Variants in FN1 observed in about 807,000 individuals in gnomAD.
FN1 encodes fibronectin.
In FN1, 106 loss-of-function variants were observed where a neutral mutation model predicts 297.3. The observed-to-expected ratio is 0.36, with a 90% CI of 0.30 to 0.42. The LOEUF (loss-of-function observed/expected upper bound fraction) is 0.42, where lower values mean the gene tolerates loss of function less well. Ranked by LOEUF, FN1 falls within the 10% of genes least tolerant of loss-of-function variation. The pLI is 1.00. For missense variants in FN1, 2,690 were observed against 3,124.9 expected, an observed-to-expected ratio of 0.86 and a Z score of 3.32; for synonymous variants, 1,149 against 1,152.6, an observed-to-expected ratio of 1.00 and a Z score of 0.06.
At position 215,380,623 on chromosome 2, in the gene FN1, T is replaced by A. The variant is rs544652227; in HGVS notation, c.5434+188A>T. 3.8e-6 allele frequency: 3 copies of A among 789,598 alleles called. No individual in the cohort carries two copies. In the South Asian group the frequency reaches 5.1e-5, roughly 13 times the overall value. The allele number at this position is 789,598 out of a possible 1,614,324, so 48.9% of individuals were successfully genotyped here. A position where few individuals can be genotyped will look rare whatever the true frequency, so the allele number is the denominator to read the frequency against. On this transcript the variant is annotated intron_variant, in intron 33 of 45. Transcript: ENST00000354785. Reference sequence around the variant, plus strand: ...CAGGATACTCCAAAATTTCTTTTAATCAGACTTGTTTCCTTAAATATCACC... The same window carrying A: ...CAGGATACTCCAAAATTTCTTTTAAACAGACTTGTTTCCTTAAATATCACC...
In FN1 at chr2:215,375,237, C is replaced by A. The variant is rs759018096; in HGVS notation, c.6134G>T (p.Gly2045Val). ...PREVVPRPRP[G>V]VTEATITGLE... ...ACCAGTAATAGTAGCCTCTGTGACA[C>A]CAGGGCGGGGCCGAGGGACCACTTC... The change falls in exon 38 of 46, where the codon GGT becomes GTT. Residue 2045 changes from glycine to valine, a missense_variant. Gly to Val is a moderately radical substitution (Grantham distance 109). Around this residue, in one of 3 missense-constraint regions of FN1, gnomAD observed 1,743 missense variants for 1,945.2 expected, o/e 0.90. Coordinates refer to ENST00000354785, the MANE Select transcript of FN1 (RefSeq NM_212482.4). 1 of 1,613,978 alleles carries A rather than the reference C, an allele frequency of 6.2e-7. No homozygotes were observed. Among genetic ancestry groups the A allele is most frequent in the African/African-American group, 1.3e-5 (1 of 74,912 alleles).
chr2:215,364,859 C>T lies in FN1; in HGVS notation c.7251+20G>A, dbSNP rs772299462. 39 of 1,503,838 alleles carry T rather than the reference C, an allele frequency of 2.6e-5. No individual in the cohort carries two copies. Among genetic ancestry groups the T allele is most frequent in the Non-Finnish European group, 1.8e-6 (2 of 1,106,262 alleles). 93.2% of individuals were successfully genotyped at this position (1,503,838 alleles called of 1,614,324 possible). Reference sequence around the variant, plus strand: ...TTTATCTTATCTAACTTGTAGGGAGCCTGGCACATCCAGTCTTACCCGCTG... The same window carrying T: ...TTTATCTTATCTAACTTGTAGGGAGTCTGGCACATCCAGTCTTACCCGCTG... On this transcript the variant is annotated intron_variant, in intron 44 of 45. Coordinates refer to ENST00000354785, the MANE Select transcript of FN1 (RefSeq NM_212482.4).
At position 215,365,870 on chromosome 2, in the gene FN1, A is replaced by G. The variant is rs528736639; in HGVS notation, c.7019-240T>C. On this transcript the variant is annotated intron_variant, in intron 42 of 45. Transcript: ENST00000354785. ...GCCCAGACTGGAGTGAAGTGGTGCA[A>G]TCTCGGCTCACTGTAACCTCCATCT... 4.4e-4 allele frequency: 90 copies of G among 205,156 alleles called. 1 individual carries two copies. The highest frequency in any genetic ancestry group is 2.1e-3 in the African/African-American group (88 of 42,336). 12.7% of individuals were successfully genotyped at this position (205,156 alleles called of 1,614,324 possible). A position where few individuals can be genotyped will look rare whatever the true frequency, so the allele number is the denominator to read the frequency against.
chr2:215,411,665 CT>C (rs11367419), intron 13 of FN1, among the ~76,000 whole-genome samples: 60,292 of 119,798 alleles, frequency 0.5, 13,813 homozygotes, highest in East Asian at 0.88. Flanking sequence ...ATTCAATGTA[CT>C]TTTTTTTTTT....
In FN1 at chr2:215,434,684, G is replaced by A. The variant is rs1333181119; in HGVS notation, c.277+12C>T. Reference sequence around the variant, plus strand: ...TTAAAAGATACTAACTATGGGGCTTGTTGTCACTTACCTTCAGGTTTACTC... The same window carrying A: ...TTAAAAGATACTAACTATGGGGCTTATTGTCACTTACCTTCAGGTTTACTC... On this transcript the variant is annotated intron_variant, in intron 2 of 45. Transcript: ENST00000354785. The A allele has an allele frequency of 6.2e-7, 1 of 1,614,150 alleles. No homozygotes were observed. Among genetic ancestry groups the A allele is most frequent in the African/African-American group, 1.3e-5 (1 of 75,056 alleles).
At chr2:215,422,650 A>G (rs2064614216) in intron 9 of FN1, among the ~76,000 whole-genome samples, 1 of 152,168 alleles carries the variant, frequency 6.6e-6, no homozygotes, top group African/African-American at 2.4e-5. Flanking sequence ...TTTTCTTCTA[A>G]ACTCAGCATC....
Position 215,433,461 on chromosome 2 carries a change from G to A in FN1, c.278C>T (p.Ala93Val). The change falls in exon 3 of 46, where the codon GCT becomes GTT. Residue 93 changes from alanine (A) to valine (V), a missense_variant and splice_region_variant. This residue lies in a region of FN1 where 876 missense variants were observed against 1,058.1 expected (regional missense o/e 0.83). Transcript: ENST00000354785. ...RGFNCESKPEAEETCFDKYTG... is the reference protein window; with the variant it reads ...RGFNCESKPEVEETCFDKYTG... Reference sequence around the variant, plus strand: ...GTACTTGTCAAAGCAAGTCTCTTCAGCTGAGGGGAAAAGGAAAGTCCATGT... The same window carrying A: ...GTACTTGTCAAAGCAAGTCTCTTCAACTGAGGGGAAAAGGAAAGTCCATGT... 6.2e-7 allele frequency: 1 copy of A among 1,613,886 alleles called. No homozygotes were observed.
chr2:215,428,043 A>G (rs2065808308), intron 6 of FN1, 137 bp downstream of exon 6: 5 of 1,074,864 alleles, frequency 4.7e-6, no homozygotes, highest in Admixed American at 3.7e-5. Flanking sequence ...ACAACCAATA[A>G]TGTGTAAATT....
intron 41 of FN1, 58 bp downstream of exon 41, chr2:215,370,236 C>A: frequency 1.3e-5 from 21 of 1,569,984 alleles, no homozygotes; most frequent in Non-Finnish European, 1.8e-5. Context: ...AACAGAAAAG[C>A]CCATCTCTGG....
At chr2:215,391,564 G>A in intron 26 of FN1, 68 bp downstream of exon 26, 1 of 1,413,416 alleles carries the variant, frequency 7.1e-7, no homozygotes. Context: ...CCTCCTACTT[G>A]AGAATTTAGA....
At chr2:215,423,835 T>G (rs1230897817) in intron 8 of FN1, among the ~76,000 whole-genome samples, 1 of 152,126 alleles carries the variant, frequency 6.6e-6, no homozygotes, top group Non-Finnish European at 1.5e-5. Flanking sequence ...ACATTCATCC[T>G]TTGTATTCCT....
At chr2:215,371,416 C>A (rs1397786805) in intron 40 of FN1, among the ~76,000 whole-genome samples, 2 of 149,834 alleles carry the variant, frequency 1.3e-5, no homozygotes. Context: ...AAGGACAAAT[C>A]GTAAAGGTAG....
At chr2:215,400,852 G>A (rs1255139247) in intron 20 of FN1, among the ~76,000 whole-genome samples, 1 of 149,824 alleles carries the variant, frequency 6.7e-6, no homozygotes, top group African/African-American at 2.5e-5. Flanking sequence ...CTGGAGTGCA[G>A]TGGCGCAATC....
intron 44 of FN1, chr2:215,363,788 A>C (rs1175843218): frequency 6.6e-6 from 1 of 152,208 alleles, no homozygotes; most frequent in Non-Finnish European, 1.5e-5. Context: ...TTCATTTTGA[A>C]ATTTGAAATC....
intron 24 of FN1, 23 bp downstream of exon 24, chr2:215,394,505 A>T: frequency 6.3e-7 from 1 of 1,582,582 alleles, no homozygotes; most frequent in Non-Finnish European, 8.7e-7. Context: ...CACTCTCAGG[A>T]TAGCAGCTTA....
chr2:215,361,821 A>C, intron 45 of FN1, 148 bp downstream of exon 45: 1 of 1,154,704 alleles, frequency 8.7e-7, no homozygotes. Context: ...CTTAAACTAT[A>C]TTATGGAATA....
intron 5 of FN1, among the ~76,000 whole-genome samples, chr2:215,429,946 A>G (rs1559600513): frequency 6.6e-6 from 1 of 152,228 alleles, no homozygotes; most frequent in African/African-American, 2.4e-5. Flanking sequence ...TGATGATCAC[A>G]GTAACATTTT....
chr2:215,387,427 A>G (rs965669422), intron 27 of FN1, among the ~76,000 whole-genome samples: 1 of 152,218 alleles, frequency 6.6e-6, no homozygotes, highest in Non-Finnish European at 1.5e-5. Flanking sequence ...GAGGAAATTT[A>G]TATGTCAACA....
chr2:215,425,630 G>A (rs1392374481), intron 6 of FN1, among the ~76,000 whole-genome samples: 1 of 152,100 alleles, frequency 6.6e-6, no homozygotes, highest in African/African-American at 2.4e-5. Context: ...TCGGCTCACT[G>A]CAACCTCTGC....
Sources: allele counts gnomAD v4.1 joint callset (sites outside exome capture counted in the v4.1 genomes callset), GRCh38; gene constraint gnomAD v4.1.1; regional missense constraint gnomAD v4.1.1; transcripts MANE v1.5; gene names NCBI Gene and HGNC (gene_info 2026-07-23, HGNC 2026-07-21).